SH2B2: variants seen among roughly 807,000 people sequenced by gnomAD.
The protein encoded by SH2B2 is SH2B adaptor protein 2.
A neutral mutation model predicts 35.7 loss-of-function variants in SH2B2; 37 were observed. That is an observed-to-expected ratio of 1.04 (90% CI 0.80 to 1.36). The LOEUF is 1.36. SH2B2 is among the 40% of genes most tolerant of loss of function. SH2B2 has a pLI of 0.00. For missense variants in SH2B2, 852 were observed against 817.7 expected (o/e 1.04, Z -0.51); for synonymous variants, 383 against 376.4 (o/e 1.02, Z -0.20).
At position 102,317,404 on chromosome 7, in the gene SH2B2, G is replaced by T. The variant is rs1554557297; in HGVS notation, c.1395+9G>T. 6.4e-7 allele frequency: 1 copy of T among 1,556,936 alleles called. No homozygotes were observed. The highest frequency in any genetic ancestry group is 8.7e-7 in the Non-Finnish European group (1 of 1,144,094). On this transcript the variant is annotated intron_variant, in intron 7 of 8. Transcript: ENST00000444095. ...TCCAGGGCAAGGCCAAGGCAAGTGT[G>T]TGGGGGGCGCCATGGGGGTGCAGTG...
At position 102,300,917 on chromosome 7, in the gene SH2B2, ACG is replaced by A. The variant is rs1252709884; in HGVS notation, c.369_370del (p.His124ArgfsTer134). On this transcript the variant is annotated frameshift_variant, in exon 2 of 9. Transcript: ENST00000444095. LOFTEE classifies it high-confidence loss of function. ...GHSRSSEDVS[T>X]HAATKARVRK... The stretch of plus-strand genomic sequence containing the variant: ...CTCGCGGAGCTCGGAGGACGTGTCC[ACG>A]CACGCGGCCACCAAGGCCCGCGTTC... 9 of 1,486,114 alleles carry A rather than the reference ACG, an allele frequency of 6.1e-6. No homozygotes were observed. The highest frequency in any genetic ancestry group is 1.4e-5 in the African/African-American group (1 of 69,002). 92.1% of individuals were successfully genotyped at this position (1,486,114 alleles called of 1,614,324 possible). A position where few individuals can be genotyped will look rare whatever the true frequency, so the allele number is the denominator to read the frequency against.
At chr7:102,313,644 G>C (rs950379239) in intron 4 of SH2B2, among the ~76,000 whole-genome samples, 10 of 152,200 alleles carry the variant, frequency 6.6e-5, no homozygotes, top group Non-Finnish European at 8.8e-5. Context: ...GCCGGGCGCA[G>C]TGGCTCACGC....
chr7:102,301,042 TGCCCCGCGCACCGCCGA>T lies in SH2B2; in HGVS notation c.501_517del (p.Thr168GlnfsTer85), dbSNP rs1793158487. ...CCTCGCCCGAGCCCGACGCGGCAGC[TGCCCCGCGCACCGCCGA>T]GCCCCGCGACAAGTGGACGCGGCGC... On this transcript the variant is annotated frameshift_variant, in exon 2 of 9. Transcript: ENST00000444095. LOFTEE classifies it high-confidence loss of function. 1.5e-6 allele frequency: 2 copies of T among 1,368,804 alleles called. No homozygotes were observed. The highest frequency in any genetic ancestry group is 1.5e-5 in the African/African-American group (1 of 64,794). The allele number at this position is 1,368,804 out of a possible 1,614,324, so 84.8% of individuals were successfully genotyped here. A position where few individuals can be genotyped will look rare whatever the true frequency, so the allele number is the denominator to read the frequency against.
chr7:102,285,269 C>T (rs782559145), upstream of SH2B2: 1 of 1,543,184 alleles, frequency 6.5e-7, no homozygotes. Context: ...GTTAGTCCAC[C>T]GCGGGTCAGG....
chr7:102,305,515 G>A (rs868954837), intron 2 of SH2B2, among the ~76,000 whole-genome samples: 2 of 152,014 alleles, frequency 1.3e-5, no homozygotes, highest in South Asian at 4.1e-4. Context: ...ATCCTCCTTG[G>A]CCTCCCAAAG....
rs1205706999 is a variant in SH2B2, at chr7:102,300,844, G to C, written c.294G>C (p.Glu98Asp). ...RGAAVSAEAMEPELADTSALK... is the reference protein window; with the variant it reads ...RGAAVSAEAMDPELADTSALK... ...CGGCCGTGAGCGCAGAGGCCATGGA[G>C]CCGGAGCTCGCGGACACCTCTGCAC... Residue 98 changes from glutamate to aspartate, a missense_variant, in exon 2 of 9, where the codon GAG (glutamate) becomes GAC (aspartate). Transcript: ENST00000444095. The C allele has an allele frequency of 1.4e-6, 2 of 1,459,208 alleles. No homozygotes were observed. Among genetic ancestry groups the C allele is most frequent in the Non-Finnish European group, 1.8e-6 (2 of 1,104,604 alleles). 90.4% of individuals were successfully genotyped at this position (1,459,208 alleles called of 1,614,324 possible). A position where few individuals can be genotyped will look rare whatever the true frequency, so the allele number is the denominator to read the frequency against.
At chr7:102,317,009 C>T (rs1440188407) in intron 6 of SH2B2, 178 bp from the exon 7 acceptor site, 18 of 575,410 alleles carry the variant, frequency 3.1e-5, no homozygotes, top group Admixed American at 6.4e-5. Context: ...GCGACAAGAG[C>T]GAAACTTCGT....
At chr7:102,285,698 G>C (rs1792417648), upstream of SH2B2, among the ~76,000 whole-genome samples, 1 of 152,256 alleles carries the variant, frequency 6.6e-6, no homozygotes, top group South Asian at 2.1e-4. Context: ...TCTGGGAAAA[G>C]TCAGAGGTCA....
At chr7:102,301,584 G>C (rs529488609) in intron 2 of SH2B2, among the ~76,000 whole-genome samples, 1 of 151,320 alleles carries the variant, frequency 6.6e-6, no homozygotes, top group Non-Finnish European at 1.5e-5. Context: ...GTGTGTGTGC[G>C]CGCGCGTGTG....
chr7:102,293,981 A>G (rs1171178728), intron 1 of SH2B2, among the ~76,000 whole-genome samples: 3 of 151,832 alleles, frequency 2.0e-5, no homozygotes, highest in Admixed American at 6.6e-5. Context: ...CTTGGAGATC[A>G]GAGGGGGAGA....
Position 102,300,661 on chromosome 7 carries a change from C to G in SH2B2, c.111C>G (p.Asp37Glu), listed in dbSNP as rs1793120034. ...TGCATGCGCAGGCGGCCGCCGTGGA[C>G]TTTGCGCACAAGTTCTGCCGTTTCC... is the stretch of plus-strand genomic sequence containing the variant. The part of the protein sequence containing the change: ...CELHAQAAAV[D>E]FAHKFCRFLR... The change falls in exon 2 of 9, where the codon GAC becomes GAG. Residue 37 changes from aspartate to glutamate, a missense_variant. Asp to Glu is a conservative substitution (Grantham distance 45). Transcript: ENST00000444095. 3 of 1,549,280 alleles carry G rather than the reference C, an allele frequency of 1.9e-6. No homozygotes were observed. In the African/African-American group the frequency reaches 4.1e-5, roughly 21 times the overall value.
At chr7:102,305,893 CTTTTTTTTTTTTT>C (rs1292537190) in intron 2 of SH2B2, among the ~76,000 whole-genome samples, 2 of 107,290 alleles carry the variant, frequency 1.9e-5, no homozygotes, top group East Asian at 2.7e-4. Context: ...TTTTTTTTTT[CTTTTTTTTTTTTT>C]TTTTTTGAGG....
chr7:102,291,100 A>T (rs1209352319), intron 1 of SH2B2, among the ~76,000 whole-genome samples: 2 of 152,284 alleles, frequency 1.3e-5, no homozygotes, highest in South Asian at 2.1e-4. Context: ...ATGTCAAATG[A>T]CCAGAGGTGG....
chr7:102,308,250 T>A (rs1793476642), intron 3 of SH2B2, among the ~76,000 whole-genome samples: 3 of 152,186 alleles, frequency 2.0e-5, no homozygotes, highest in Non-Finnish European at 4.4e-5. Context: ...ATGGCTCCTC[T>A]CCCTCACAGG....
chr7:102,304,664 G>C (rs1793321932), intron 2 of SH2B2, among the ~76,000 whole-genome samples: 1 of 152,212 alleles, frequency 6.6e-6, no homozygotes, highest in Non-Finnish European at 1.5e-5. Flanking sequence ...AGGACTGACG[G>C]ACCTCAGATT....
chr7:102,317,272 G>T lies in SH2B2; in HGVS notation c.1272G>T (p.Arg424=). ...DYPWFHGTLS[R]VKAAQLVLAG... ...CATGGTTCCACGGGACACTGTCCCG[G>T]GTCAAGGCTGCTCAACTGGTTCTGG... is the stretch of plus-strand genomic sequence containing the variant. Residue 424 remains arginine (R), a synonymous_variant, in exon 7 of 9, where the codon CGG becomes CGT. Coordinates refer to ENST00000444095, the MANE Select transcript of SH2B2 (RefSeq NM_001359228.2). 1.2e-6 allele frequency: 2 copies of T among 1,613,750 alleles called. No homozygotes were observed. Among genetic ancestry groups the T allele is most frequent in the Non-Finnish European group, 1.7e-6 (2 of 1,179,756 alleles).
chr7:102,320,271 G>T (rs1020509125), intron 7 of SH2B2, 60 bp from the exon 8 acceptor site: 9 of 1,402,878 alleles, frequency 6.4e-6, no homozygotes, highest in Middle Eastern at 1.9e-4. Context: ...ACCCCCAAAG[G>T]CGCTTACCCA....
chr7:102,312,139 C>G (rs1287643296), intron 4 of SH2B2, among the ~76,000 whole-genome samples: 1 of 149,208 alleles, frequency 6.7e-6, no homozygotes, highest in Non-Finnish European at 1.5e-5. Context: ...TTTGGGAGGC[C>G]GAGGCAGGCG....
At chr7:102,299,934 A>AT (rs1793078392) in intron 1 of SH2B2, among the ~76,000 whole-genome samples, 1 of 151,496 alleles carries the variant, frequency 6.6e-6, no homozygotes, top group Non-Finnish European at 1.5e-5. Flanking sequence ...TCTTTCTCTT[A>AT]TTTTTTGCAG....
Sources: gnomAD v4.1 joint callset for allele counts (sites outside exome capture counted in the v4.1 genomes callset) on GRCh38, gnomAD v4.1.1 for gene constraint, MANE v1.5 for transcripts, NCBI Gene and HGNC (gene_info 2026-07-23, HGNC 2026-07-21) for gene names.